TMC2: variants seen among roughly 807,000 people sequenced by gnomAD.
The protein encoded by TMC2 is transmembrane channel-like protein 2.
Under a neutral mutation model 105.9 loss-of-function variants are expected in TMC2, and 102 were observed. That is an observed-to-expected ratio of 0.96 (90% CI 0.82 to 1.14). The LOEUF (loss-of-function observed/expected upper bound fraction) is 1.14, where lower values mean the gene tolerates loss of function less well. Ranked by LOEUF, TMC2 falls within the 50% of genes most tolerant of loss-of-function variation. The pLI, the probability that TMC2 is intolerant of heterozygous loss-of-function variation, is 0.00. For synonymous variants in TMC2, 402 were observed against 422.8 expected (o/e 0.95, Z 0.60); for missense variants, 1,093 against 1,134.3 (o/e 0.96, Z 0.52).
chr20:2,613,856 T>C (rs10485602), intron 14 of TMC2: 26,369 of 189,500 alleles, frequency 0.14, 2,190 homozygotes, highest in Middle Eastern at 0.23. Flanking sequence ...TCTGGCAGAA[T>C]CTCTGGCTCA....
At position 2,635,775 on chromosome 20, in the gene TMC2, T is replaced by C. The variant is rs929499597; in HGVS notation, c.2307-151T>C. On this transcript the variant is annotated intron_variant, in intron 17 of 19. Coordinates refer to ENST00000358864, the MANE Select transcript of TMC2 (RefSeq NM_080751.3). ...GAGGATGCAGGGGCATCCAGGACCT[T>C]CTCCACATTGAGAAAAGAAGATGGT... The C allele has an allele frequency of 7.7e-6, 5 of 652,780 alleles. No homozygotes were observed. The African/African-American group carries it at 9.1e-5, about 12-fold the overall frequency. 40.4% of individuals were successfully genotyped at this position (652,780 alleles called of 1,614,324 possible).
At chr20:2,555,015 T>C (rs1163624421) in intron 2 of TMC2, among the ~76,000 whole-genome samples, 3 of 152,242 alleles carry the variant, frequency 2.0e-5, no homozygotes, top group Admixed American at 1.3e-4. Flanking sequence ...CAGTGGTTGA[T>C]AGAGGAATAT....
chr20:2,612,827 C>G (rs1212593319), intron 13 of TMC2, among the ~76,000 whole-genome samples: 1 of 152,214 alleles, frequency 6.6e-6, no homozygotes, highest in Non-Finnish European at 1.5e-5. Context: ...AGTGGGGAAG[C>G]AAGGCCTTCG....
rs759063640 is a variant in TMC2, at chr20:2,602,136, G to C, written c.1248G>C (p.Glu416Asp). The change falls in exon 11 of 20, where the codon GAG becomes GAC. Residue 416 changes from glutamate to aspartate, a missense_variant. By Grantham distance (45) the Glu-to-Asp change is conservative. Coordinates refer to ENST00000358864, the MANE Select transcript of TMC2 (RefSeq NM_080751.3). ...SFKESIVDEQ[E>D]SNKEENIHLT... ...AGGAATCAATAGTGGATGAACAAGA[G>C]AGTAACAAAGAAGAAAATATCCATC... 6.2e-7 allele frequency: 1 copy of C among 1,611,846 alleles called. No individual in the cohort carries two copies. The highest frequency in any genetic ancestry group is 8.5e-7 in the Non-Finnish European group (1 of 1,179,188).
chr20:2,540,848 T>C (rs1204576135), intron 2 of TMC2, among the ~76,000 whole-genome samples: 1 of 152,130 alleles, frequency 6.6e-6, no homozygotes, highest in Non-Finnish European at 1.5e-5. Context: ...GACCCTTTGA[T>C]GTAGACCTTG....
At position 2,641,125 on chromosome 20, in the gene TMC2, G is replaced by A. The variant is rs369150665; in HGVS notation, c.2504-9G>A. 3.2e-5 allele frequency: 51 copies of A among 1,613,712 alleles called. No homozygotes were observed. Among genetic ancestry groups the A allele is most frequent in the African/African-American group, 6.7e-5 (5 of 75,006 alleles). On this transcript the variant is annotated splice_polypyrimidine_tract_variant and intron_variant, in intron 19 of 19. Transcript: ENST00000358864. ...CACTTCCTCTTTCTTGTCTTGGTTC[G>A]TTTTCCAGAGACCACTCCTCCCTCT... is the stretch of plus-strand genomic sequence containing the variant.
At chr20:2,636,935 C>T (rs1040438469) in intron 18 of TMC2, among the ~76,000 whole-genome samples, 1 of 152,188 alleles carries the variant, frequency 6.6e-6, no homozygotes, top group Non-Finnish European at 1.5e-5. Context: ...TCTCACTGGG[C>T]TCCTGCCCAG....
intron 17 of TMC2, among the ~76,000 whole-genome samples, chr20:2,631,574 A>T (rs2086603101): frequency 6.6e-6 from 1 of 152,188 alleles, no homozygotes; most frequent in South Asian, 2.1e-4. Flanking sequence ...CAATCTTTCA[A>T]ATATGTCATC....
At chr20:2,571,095 G>T (rs1477615926) in intron 4 of TMC2, among the ~76,000 whole-genome samples, 1 of 152,148 alleles carries the variant, frequency 6.6e-6, no homozygotes, top group East Asian at 1.9e-4. Context: ...CCTTGGGAAA[G>T]AATTTACGAC....
chr20:2,607,735 T>G (rs151162907), intron 11 of TMC2, among the ~76,000 whole-genome samples: 1 of 152,366 alleles, frequency 6.6e-6, no homozygotes, highest in East Asian at 1.9e-4. Flanking sequence ...ATTTAAGGAT[T>G]CATTAGGACA....
In TMC2 at chr20:2,641,743, AG is replaced by A; in HGVS notation, c.*397del. The A allele has an allele frequency of 5.1e-6, 1 of 195,856 alleles. No individual in the cohort carries two copies. The highest frequency in any genetic ancestry group is 1.1e-5 in the Non-Finnish European group (1 of 93,832). The allele number at this position is 195,856 out of a possible 1,614,324, so 12.1% of individuals were successfully genotyped here. Reference sequence around the variant, plus strand: ...GTTTCTGCCAGCTTCCCTAACCAGGAGGGGGATGGAGAAGGGCCTACATTTC... The same window carrying A: ...GTTTCTGCCAGCTTCCCTAACCAGGAGGGGATGGAGAAGGGCCTACATTTC... On this transcript the variant is annotated 3_prime_UTR_variant, in exon 20 of 20. Transcript: ENST00000358864.
At chr20:2,543,903 G>GATTTTTTTTTTTTT (rs3051735) in intron 2 of TMC2, among the ~76,000 whole-genome samples, 1 of 144,184 alleles carries the variant, frequency 6.9e-6, no homozygotes, top group Non-Finnish European at 1.5e-5. Context: ...CTGCATGTCA[G>GATTTTTTTTTTTTT]TTTTTTTTTT....
chr20:2,545,867 A>G (rs774817664), intron 2 of TMC2, among the ~76,000 whole-genome samples: 299 of 107,634 alleles, frequency 2.8e-3, no homozygotes, highest in East Asian at 0.011. Flanking sequence ...AAGAAAGAAA[A>G]AGAAAGAAAG....
At chr20:2,586,592 A>T (rs1245187272) in intron 7 of TMC2, among the ~76,000 whole-genome samples, 1 of 152,206 alleles carries the variant, frequency 6.6e-6, no homozygotes, top group Non-Finnish European at 1.5e-5. Context: ...AGCAGGAGCA[A>T]GAGAGTGATT....
chr20:2,566,061 G>C (rs557159741), intron 4 of TMC2, among the ~76,000 whole-genome samples: 2 of 152,018 alleles, frequency 1.3e-5, no homozygotes, highest in Non-Finnish European at 2.9e-5. Context: ...AAAACAAAAG[G>C]CTGGCTGGAC....
intron 17 of TMC2, among the ~76,000 whole-genome samples, chr20:2,632,295 T>C (rs1047457734): frequency 2.6e-5 from 4 of 152,200 alleles, no homozygotes; most frequent in Admixed American, 2.0e-4. Flanking sequence ...TTATTTCAGT[T>C]ATTGTAGATT....
intron 7 of TMC2, among the ~76,000 whole-genome samples, chr20:2,585,213 A>T (rs980375738): frequency 4.6e-5 from 7 of 152,158 alleles, no homozygotes; most frequent in Non-Finnish European, 8.8e-5. Context: ...CCACCATATG[A>T]GTATATCATA....
chr20:2,607,453 G>A (rs2086402305), intron 11 of TMC2, among the ~76,000 whole-genome samples: 1 of 152,142 alleles, frequency 6.6e-6, no homozygotes, highest in African/African-American at 2.4e-5. Context: ...AAGTTCAAGA[G>A]GCCCAGGCTG....
At chr20:2,571,723 G>C (rs995259849) in intron 4 of TMC2, among the ~76,000 whole-genome samples, 1 of 152,266 alleles carries the variant, frequency 6.6e-6, no homozygotes, top group East Asian at 1.9e-4. Context: ...AATCTTGGCC[G>C]GGCATGGTGG....
Sources: gnomAD v4.1 joint callset for allele counts (sites outside exome capture counted in the v4.1 genomes callset) on GRCh38, gnomAD v4.1.1 for gene constraint, MANE v1.5 for transcripts, NCBI Gene and HGNC (gene_info 2026-07-23, HGNC 2026-07-21) for gene names.